Variants in ENOX1 observed in about 807,000 individuals in gnomAD.
ENOX1 encodes the protein ecto-NOX disulfide-thiol exchanger 1.
Under a neutral mutation model 82.5 loss-of-function variants are expected in ENOX1, and 42 were observed. That is an observed-to-expected ratio of 0.51 (90% CI 0.40 to 0.66). ENOX1 has a LOEUF of 0.66. Ranked by LOEUF, ENOX1 falls within the 30% of genes least tolerant of loss-of-function variation. The probability of loss-of-function intolerance (pLI) is 0.00; values close to 1 mark genes in which losing one functional copy is unlikely to be tolerated. For synonymous variants in ENOX1, 271 were observed against 282.2 expected (o/e 0.96, Z 0.40); for missense variants, 608 against 811.6 (o/e 0.75, Z 3.05).
chr13:43,354,686 A>G (rs1481188667), intron 8 of ENOX1, among the ~76,000 whole-genome samples: 2 of 152,126 alleles, frequency 1.3e-5, no homozygotes, highest in Non-Finnish European at 2.9e-5. Flanking sequence ...TTATGGAATA[A>G]AACCCAAATC....
chr13:43,668,567 T>C (rs2085099102), intron 1 of ENOX1, among the ~76,000 whole-genome samples: 1 of 152,198 alleles, frequency 6.6e-6, no homozygotes. Flanking sequence ...TTTTACACTC[T>C]AAAGACCAGC....
At chr13:43,360,452 A>G (rs969803201) in intron 6 of ENOX1, among the ~76,000 whole-genome samples, 1 of 152,190 alleles carries the variant, frequency 6.6e-6, no homozygotes, top group African/African-American at 2.4e-5. Context: ...TTCCAGATAA[A>G]GGAGCGGCAA....
intron 14 of ENOX1, among the ~76,000 whole-genome samples, chr13:43,237,340 A>G (rs1167818574): frequency 6.6e-6 from 1 of 152,206 alleles, no homozygotes; most frequent in East Asian, 1.9e-4. Context: ...GACTATTTTT[A>G]GTTCTTTCTG....
chr13:43,384,619 G>A (rs141691790), intron 5 of ENOX1, among the ~76,000 whole-genome samples: 3 of 152,230 alleles, frequency 2.0e-5, no homozygotes, highest in African/African-American at 4.8e-5. Context: ...AGGTTTTTCC[G>A]CTATGCCATG....
chr13:43,476,583 T>C (rs1226478036), intron 3 of ENOX1, among the ~76,000 whole-genome samples: 2 of 152,176 alleles, frequency 1.3e-5, no homozygotes, highest in Admixed American at 6.6e-5. Context: ...AAATAACCCC[T>C]TCTTCCTTCT....
At chr13:43,613,040 G>C (rs1225172482) in intron 2 of ENOX1, among the ~76,000 whole-genome samples, 1 of 152,008 alleles carries the variant, frequency 6.6e-6, no homozygotes, top group African/African-American at 2.4e-5. Flanking sequence ...ATTTCACATT[G>C]TATACATTTT....
chr13:43,399,586 A>G (rs1237446015), intron 5 of ENOX1, among the ~76,000 whole-genome samples: 2 of 152,202 alleles, frequency 1.3e-5, no homozygotes, highest in Admixed American at 1.3e-4. Context: ...GATCCCTATA[A>G]TATGTACCAC....
chr13:43,602,878 G>A (rs1162743048), intron 2 of ENOX1, among the ~76,000 whole-genome samples: 1 of 152,068 alleles, frequency 6.6e-6, no homozygotes, highest in Non-Finnish European at 1.5e-5. Flanking sequence ...GACAAACACA[G>A]TGAACTATGG....
chr13:43,615,162 G>T (rs2082354308), intron 2 of ENOX1, among the ~76,000 whole-genome samples: 1 of 152,128 alleles, frequency 6.6e-6, no homozygotes, highest in African/African-American at 2.4e-5. Flanking sequence ...ATTACTATAT[G>T]TATAGGGCCT....
intron 12 of ENOX1, among the ~76,000 whole-genome samples, chr13:43,292,464 A>G (rs2046052245): frequency 6.6e-6 from 1 of 152,040 alleles, no homozygotes; most frequent in South Asian, 2.1e-4. Flanking sequence ...TGATCAAGAA[A>G]AAGGAAAGCC....
intron 5 of ENOX1, among the ~76,000 whole-genome samples, chr13:43,386,393 C>T (rs1189384482): frequency 1.3e-5 from 2 of 152,118 alleles, no homozygotes; most frequent in Non-Finnish European, 2.9e-5. Flanking sequence ...GAAAATTTAA[C>T]TTTGTATAGA....
intron 3 of ENOX1, among the ~76,000 whole-genome samples, chr13:43,420,286 C>A (rs1350599466): frequency 2.0e-5 from 3 of 152,184 alleles, no homozygotes; most frequent in Non-Finnish European, 4.4e-5. Flanking sequence ...AGGGGAGATA[C>A]TTCTGCTTCC....
chr13:43,646,709 A>G (rs2083909669), intron 2 of ENOX1, among the ~76,000 whole-genome samples: 2 of 152,282 alleles, frequency 1.3e-5, no homozygotes, highest in South Asian at 2.1e-4. Flanking sequence ...TCATGTCTCA[A>G]TCATGCTCTC....
chr13:43,448,207 C>T (rs1594668824), intron 3 of ENOX1, among the ~76,000 whole-genome samples: 1 of 152,296 alleles, frequency 6.6e-6, no homozygotes, highest in East Asian at 1.9e-4. Context: ...TTGGAACAGG[C>T]AATTGCTTGC....
chr13:43,432,567 T>A (rs2055741575), intron 3 of ENOX1, among the ~76,000 whole-genome samples: 1 of 152,114 alleles, frequency 6.6e-6, no homozygotes, highest in Non-Finnish European at 1.5e-5. Flanking sequence ...TGCTTGAGCC[T>A]GGGAGGCAGA....
chr13:43,732,278 T>C (rs2089391997), intron 1 of ENOX1, among the ~76,000 whole-genome samples: 1 of 152,136 alleles, frequency 6.6e-6, no homozygotes, highest in African/African-American at 2.4e-5. Context: ...ACACAAAAAT[T>C]TTCTCCTAGC....
chr13:43,484,624 C>T lies in ENOX1; in HGVS notation c.-218-472G>A, dbSNP rs78333116. On this transcript the variant is annotated intron_variant, in intron 2 of 16. Coordinates refer to ENST00000690772, the MANE Select transcript of ENOX1 (RefSeq NM_001347969.2). ...ACCTGTAACCATCAAAGTTCAAAGG[C>T]CTTAGGGCAGGTACTTTCCCTCATC... Among the ~76,000 whole-genome samples the T allele has an allele frequency of 6.6e-3, 1,012 of 152,252 alleles. 27 individuals are homozygous for T. Among genetic ancestry groups the T allele is most frequent in the Admixed American group, 0.047 (719 of 15,286 alleles).
At chr13:43,525,669 T>C (rs1303179769) in intron 2 of ENOX1, among the ~76,000 whole-genome samples, 1 of 152,168 alleles carries the variant, frequency 6.6e-6, no homozygotes, top group Non-Finnish European at 1.5e-5. Flanking sequence ...ATAGTAGTCA[T>C]CCTAACAGGT....
intron 5 of ENOX1, among the ~76,000 whole-genome samples, chr13:43,389,680 T>C (rs1472668517): frequency 1.3e-5 from 2 of 152,198 alleles, no homozygotes; most frequent in African/African-American, 2.4e-5. Context: ...ATGAGGAAAC[T>C]GAAGGTCAAA....
Sources: gnomAD v4.1 joint callset for allele counts (sites outside exome capture counted in the v4.1 genomes callset) on GRCh38, gnomAD v4.1.1 for gene constraint, MANE v1.5 for transcripts, NCBI Gene and HGNC (gene_info 2026-07-23, HGNC 2026-07-21) for gene names.